The following ASB9 variants were observed in gnomAD, a reference collection of about 807,000 sequenced individuals.
ASB9 encodes ankyrin repeat and SOCS box protein 9.
In ASB9, 5 loss-of-function variants were observed where a neutral mutation model predicts 16.6. The ratio of observed to expected loss-of-function variants is 0.30; its 90% CI spans 0.16 to 0.63. The LOEUF is 0.63. ASB9 is among the 30% of genes least tolerant of loss of function. The probability of loss-of-function intolerance (pLI) is 0.82; values close to 1 mark genes in which losing one functional copy is unlikely to be tolerated. For missense variants in ASB9, 216 were observed against 229.4 expected (o/e 0.94, Z 0.38); for synonymous variants, 100 against 86.4 (o/e 1.16, Z -0.87).
intron 3 of ASB9, 87 bp downstream of exon 3, chrX:15,254,650 A>T (rs1925391097): frequency 2.8e-6 from 2 of 706,825 alleles, no homozygotes. Context: ...AATCAGTCTA[A>T]TCAAAAGTGC....
chrX:15,267,408 TA>T (rs1303483090), intron 1 of ASB9, among the ~76,000 whole-genome samples: 60 of 50,116 alleles, frequency 1.2e-3, no homozygotes, highest in African/African-American at 3.2e-3. Context: ...AGACTCCATC[TA>T]AAAAAAAAAT....
intron 1 of ASB9, among the ~76,000 whole-genome samples, chrX:15,269,208 AC>A (rs1297323562): frequency 1.8e-5 from 2 of 112,064 alleles, no homozygotes; most frequent in African/African-American, 6.5e-5. Context: ...CTTTCAGCCA[AC>A]AGGCACCTGC....
chrX:15,266,793 G>A (rs1187913293), intron 1 of ASB9, among the ~76,000 whole-genome samples: 5 of 108,266 alleles, frequency 4.6e-5, no homozygotes, highest in Admixed American at 1.9e-4. Context: ...AAAATTAGCC[G>A]GGCGTGGTGG....
chrX:15,268,437 T>C (rs1472689806), intron 1 of ASB9, among the ~76,000 whole-genome samples: 1 of 104,195 alleles, frequency 9.6e-6, no homozygotes, highest in Non-Finnish European at 2.0e-5. Context: ...TTTTTTTCTT[T>C]TTTCTTTGAT....
At chrX:15,268,969 C>T (rs1926773359) in intron 1 of ASB9, among the ~76,000 whole-genome samples, 1 of 110,899 alleles carries the variant, frequency 9.0e-6, no homozygotes, top group South Asian at 3.9e-4. Context: ...TGAGCTGTTG[C>T]CTTCACCCTC....
chrX:15,262,330 T>G (rs968988826), intron 1 of ASB9, among the ~76,000 whole-genome samples: 7 of 112,103 alleles, frequency 6.2e-5, no homozygotes. Flanking sequence ...TGCTGTATGA[T>G]ATGGTAACAC....
chrX:15,248,932 G>A lies in ASB9; in HGVS notation c.572C>T (p.Ala191Val), dbSNP rs1473100858. 10 of 1,168,531 alleles carry A rather than the reference G, an allele frequency of 8.6e-6. 1 individual carries two copies. In the South Asian group the frequency reaches 1.0e-4, roughly 12 times the overall value. ...CTGACCTTTCCCTTGGTTCACGTCC[G>A]CTCCTAAACAGTCACGAGAACAAAA... ...ACVKKLLESG[A>V]DVNQGKGQDS... Residue 191 changes from alanine (A) to valine (V), a missense_variant, in exon 6 of 7, where the codon GCG becomes GTG. Coordinates refer to ENST00000380488, the MANE Select transcript of ASB9 (RefSeq NM_001031739.3).
chrX:15,246,636 C>G (rs1477468610), intron 6 of ASB9, among the ~76,000 whole-genome samples: 1 of 110,918 alleles, frequency 9.0e-6, no homozygotes, highest in East Asian at 2.8e-4. Flanking sequence ...CCACCACGCC[C>G]GGCTAATTTT....
At chrX:15,268,813 CA>C (rs1268987196) in intron 1 of ASB9, among the ~76,000 whole-genome samples, 1 of 64,230 alleles carries the variant, frequency 1.6e-5, no homozygotes, top group Non-Finnish European at 3.1e-5. Context: ...GACTCCGTCT[CA>C]AAAAGAAAAA....
At chrX:15,263,303 T>A (rs1218020463) in intron 1 of ASB9, among the ~76,000 whole-genome samples, 1 of 111,109 alleles carries the variant, frequency 9.0e-6, no homozygotes, top group Non-Finnish European at 1.9e-5. Context: ...CAGGACACAA[T>A]AAGGGTGGAT....
intron 1 of ASB9, among the ~76,000 whole-genome samples, chrX:15,261,545 A>G (rs1925964537): frequency 8.9e-6 from 1 of 112,041 alleles, no homozygotes; most frequent in South Asian, 3.7e-4. Flanking sequence ...GTAGCCACAA[A>G]TGGTCTTACT....
intron 6 of ASB9, among the ~76,000 whole-genome samples, chrX:15,245,553 C>A (rs1251885574): frequency 9.0e-6 from 1 of 111,686 alleles, no homozygotes; most frequent in Non-Finnish European, 1.9e-5. Flanking sequence ...AAACTATATA[C>A]CCTCAAGAAC....
At chrX:15,254,701 T>C in intron 3 of ASB9, 36 bp downstream of exon 3, 1 of 1,080,213 alleles carries the variant, frequency 9.3e-7, no homozygotes. Flanking sequence ...CATTTTTCAT[T>C]CTTGGTTTCT....
At position 15,252,366 on chromosome X, in the gene ASB9, A is replaced by C. The variant is rs747452723; in HGVS notation, c.321T>G (p.Phe107Leu). The change falls in exon 4 of 7, where the codon TTT becomes TTG. Residue 107 changes from phenylalanine to leucine, a missense_variant. Coordinates refer to ENST00000380488, the MANE Select transcript of ASB9 (RefSeq NM_001031739.3). ...CCCAGCTGCCGCTGACACAAGCATT[A>C]AACAGTGGAGTGTGCCAGTCTGCTG... ...GVTADWHTPLFNACVSGSWDC... is the reference protein window; with the variant it reads ...GVTADWHTPLLNACVSGSWDC... The C allele has an allele frequency of 8.3e-6, 10 of 1,208,915 alleles. No individual in the cohort carries two copies. The Admixed American group carries it at 8.8e-5, about 11-fold the overall frequency.
chrX:15,253,549 G>A (rs1925300415), intron 3 of ASB9, among the ~76,000 whole-genome samples: 1 of 111,151 alleles, frequency 9.0e-6, no homozygotes, highest in African/African-American at 3.3e-5. Flanking sequence ...GCAGGGAGCT[G>A]AGTTCGTGCC....
At chrX:15,252,434 G>C (rs1233451521) in intron 3 of ASB9, 30 bp from the exon 4 acceptor site, 1 of 1,165,953 alleles carries the variant, frequency 8.6e-7, no homozygotes, top group Admixed American at 2.4e-5. Flanking sequence ...AATGAAGACA[G>C]GAAGGGGGAT....
chrX:15,262,170 C>T (rs1416552673), intron 1 of ASB9, among the ~76,000 whole-genome samples: 1 of 108,131 alleles, frequency 9.2e-6, no homozygotes, highest in Non-Finnish European at 1.9e-5. Context: ...TATGGATAAG[C>T]CACATTTTAT....
chrX:15,258,661 T>C (rs1045178803), intron 2 of ASB9, among the ~76,000 whole-genome samples: 1 of 112,410 alleles, frequency 8.9e-6, no homozygotes, highest in African/African-American at 3.2e-5. Flanking sequence ...AAATTACAGA[T>C]ATTTTCTATT....
chrX:15,253,060 C>T (rs1925253285), intron 3 of ASB9, among the ~76,000 whole-genome samples: 1 of 108,384 alleles, frequency 9.2e-6, no homozygotes, highest in South Asian at 4.1e-4. Flanking sequence ...ATGGTGAAAC[C>T]CGGTCTCTAC....
Sources: allele counts gnomAD v4.1 joint callset (sites outside exome capture counted in the v4.1 genomes callset), GRCh38; gene constraint gnomAD v4.1.1; transcripts MANE v1.5; gene names NCBI Gene and HGNC (gene_info 2026-07-23, HGNC 2026-07-21).